The following NFATC3 variants were observed in gnomAD, a reference collection of about 807,000 sequenced individuals.
NFATC3 encodes nuclear factor of activated T-cells, cytoplasmic 3.
NFATC3 carries 46 observed loss-of-function variants against 98.6 expected under a neutral mutation model. The observed-to-expected ratio is 0.47, with a 90% CI of 0.37 to 0.60. The LOEUF (loss-of-function observed/expected upper bound fraction) is 0.60. NFATC3 is among the 20% of genes least tolerant of loss of function. The pLI is 0.00. For synonymous variants in NFATC3, 512 were observed against 472.2 expected, an observed-to-expected ratio of 1.08 and a Z score of -1.09; for missense variants, 1,256 against 1,295.5, an observed-to-expected ratio of 0.97 and a Z score of 0.47.
At chr16:68,135,623 T>A (rs2037361861) in intron 3 of NFATC3, among the ~76,000 whole-genome samples, 1 of 152,206 alleles carries the variant, frequency 6.6e-6, no homozygotes, top group Non-Finnish European at 1.5e-5. Context: ...TTAAAGCCGA[T>A]ACCTTTTATT....
chr16:68,095,671 A>G (rs1202897336), intron 1 of NFATC3, among the ~76,000 whole-genome samples: 2 of 152,076 alleles, frequency 1.3e-5, no homozygotes, highest in African/African-American at 4.8e-5. Context: ...GGACTTTATA[A>G]TGTAAACCTG....
At chr16:68,103,841 T>C (rs547086662) in intron 1 of NFATC3, among the ~76,000 whole-genome samples, 1 of 152,314 alleles carries the variant, frequency 6.6e-6, no homozygotes, top group African/African-American at 2.4e-5. Flanking sequence ...TTGTAAAAAA[T>C]CAATTGGCCA....
At chr16:68,172,984 C>T (rs1437616959) in intron 5 of NFATC3, among the ~76,000 whole-genome samples, 3 of 152,126 alleles carry the variant, frequency 2.0e-5, no homozygotes, top group South Asian at 2.1e-4. Context: ...TATCTGGGCC[C>T]AGTGGCTCAC....
chr16:68,214,012 AAT>A, intron 9 of NFATC3, among the ~76,000 whole-genome samples: 1 of 152,314 alleles, frequency 6.6e-6, no homozygotes, highest in South Asian at 2.1e-4. Flanking sequence ...GGGAACTACT[AAT>A]AGATATAATG....
chr16:68,163,846 C>T (rs1190388499), intron 4 of NFATC3, among the ~76,000 whole-genome samples: 191 of 143,758 alleles, frequency 1.3e-3, no homozygotes, highest in Admixed American at 1.4e-3. Flanking sequence ...GATGGGATGG[C>T]GGCCGGGAAG....
In NFATC3 at chr16:68,126,433, G is replaced by C. The variant is rs770983409; in HGVS notation, c.1239-15G>C. ...ATAGCATGGTGACATGCATCTTTGT[G>C]TGTTTTGTTTGTAGCACATCTTCAT... On this transcript the variant is annotated splice_polypyrimidine_tract_variant and intron_variant, in intron 2 of 9. Coordinates refer to ENST00000346183, the MANE Select transcript of NFATC3 (RefSeq NM_173165.3). 20 of 1,598,612 alleles carry C rather than the reference G, an allele frequency of 1.3e-5. No individual in the cohort carries two copies. The highest frequency in any genetic ancestry group is 1.7e-5 in the Non-Finnish European group (20 of 1,169,426).
chr16:68,117,463 C>T (rs1025304550), intron 1 of NFATC3, among the ~76,000 whole-genome samples: 3 of 152,168 alleles, frequency 2.0e-5, no homozygotes, highest in African/African-American at 7.2e-5. Context: ...TATTCTGCCT[C>T]CTTACTCAGG....
At chr16:68,192,213 A>G (rs1050703732) in intron 9 of NFATC3, 1 of 24,630 alleles carries the variant, frequency 4.1e-5, no homozygotes, top group Non-Finnish European at 1.0e-4. Flanking sequence ...GTCTCGGGAA[A>G]AAAAAAAAAA....
chr16:68,140,298 C>G (rs1388894293), intron 3 of NFATC3, among the ~76,000 whole-genome samples: 1 of 152,084 alleles, frequency 6.6e-6, no homozygotes, highest in African/African-American at 2.4e-5. Context: ...AAGGGGACTT[C>G]TTATTTGAAG....
chr16:68,138,393 C>A, intron 3 of NFATC3: 3 of 722,318 alleles, frequency 4.2e-6, no homozygotes, highest in Non-Finnish European at 5.8e-6. Context: ...GCTCTCCTTC[C>A]TTGGATTAAT....
chr16:68,158,248 G>A (rs925515234), intron 4 of NFATC3, among the ~76,000 whole-genome samples, 180 bp downstream of exon 4: 3 of 152,038 alleles, frequency 2.0e-5, no homozygotes, highest in Non-Finnish European at 4.4e-5. Flanking sequence ...ATTCAATTCA[G>A]TAAGTGTTTT....
intron 1 of NFATC3, among the ~76,000 whole-genome samples, chr16:68,101,105 C>T (rs1345446527): frequency 6.6e-6 from 1 of 152,052 alleles, no homozygotes; most frequent in Non-Finnish European, 1.5e-5. Context: ...AAATCTTTGC[C>T]TAACCCATGC....
chr16:68,164,835 G>C (rs907030852), intron 4 of NFATC3, among the ~76,000 whole-genome samples: 1 of 152,080 alleles, frequency 6.6e-6, no homozygotes, highest in African/African-American at 2.4e-5. Flanking sequence ...AGCCAAGATG[G>C]CGCCACTGCA....
rs756434255 is a variant in NFATC3, at chr16:68,226,520, C to T, written c.*49C>T. The T allele has an allele frequency of 3.3e-5, 48 of 1,453,656 alleles. No homozygotes were observed. The highest frequency in any genetic ancestry group is 4.1e-5 in the Non-Finnish European group (45 of 1,106,244). 90.0% of individuals were successfully genotyped at this position (1,453,656 alleles called of 1,614,324 possible). On this transcript the variant is annotated 3_prime_UTR_variant, in exon 10 of 10. Coordinates refer to ENST00000346183, the MANE Select transcript of NFATC3 (RefSeq NM_173165.3). ...CCACCACCAACTTCTCAGCATGTTT[C>T]TCTCCTTGGACCTTGGGTTTCCAAC...
intron 9 of NFATC3, among the ~76,000 whole-genome samples, chr16:68,207,232 C>T (rs1359641377): frequency 6.6e-6 from 1 of 151,682 alleles, no homozygotes; most frequent in Non-Finnish European, 1.5e-5. Context: ...ATCGCTTGAG[C>T]CTGGGAGGCA....
chr16:68,088,482 G>GTATATAATATATATTTTA (rs1555512194), intron 1 of NFATC3, among the ~76,000 whole-genome samples: 8,932 of 143,972 alleles, frequency 0.062, 890 homozygotes, highest in African/African-American at 0.21. Context: ...TATATGTAGT[G>GTATATAATATATATTTTA]TATATAATAT....
chr16:68,157,987 C>T lies in NFATC3; in HGVS notation c.1520C>T (p.Ala507Val), dbSNP rs2038701779. The change falls in exon 4 of 10, where the codon GCT becomes GTT. Residue 507 changes from alanine (A) to valine (V), a missense_variant. Ala to Val is a moderately conservative substitution (Grantham distance 64, BLOSUM62 0). Transcript: ENST00000346183. ...QVHRITGKTV[A>V]TASQEIIIAS... ...CATCGAATCACTGGGAAGACAGTCGCTACTGCAAGCCAAGAGATAATAATT... is the reference window on the plus strand; with the variant it reads ...CATCGAATCACTGGGAAGACAGTCGTTACTGCAAGCCAAGAGATAATAATT... 6.2e-7 allele frequency: 1 copy of T among 1,613,976 alleles called. No homozygotes were observed.
chr16:68,192,424 C>T (rs750643544), intron 9 of NFATC3, among the ~76,000 whole-genome samples: 3 of 150,326 alleles, frequency 2.0e-5, no homozygotes, highest in East Asian at 1.9e-4. Context: ...TTGCTGAATA[C>T]GAGATCTTTT....
chr16:68,219,423 T>A (rs8048365), intron 9 of NFATC3, among the ~76,000 whole-genome samples: 41,124 of 151,644 alleles, frequency 0.27, 7,356 homozygotes, highest in African/African-American at 0.51. Flanking sequence ...TTAGCTGGTC[T>A]TGGTGGCACA....
Sources: allele counts gnomAD v4.1 joint callset (sites outside exome capture counted in the v4.1 genomes callset), GRCh38; gene constraint gnomAD v4.1.1; transcripts MANE v1.5; gene names NCBI Gene and HGNC (gene_info 2026-07-23, HGNC 2026-07-21).